Variants in CSMD1 observed in about 807,000 individuals in gnomAD.
CSMD1 encodes the protein CUB and sushi domain-containing protein 1.
In CSMD1, 213 loss-of-function variants were observed where a neutral mutation model predicts 417.5. That is an observed-to-expected ratio of 0.51 (90% confidence interval 0.46 to 0.57). The LOEUF (loss-of-function observed/expected upper bound fraction) is 0.57. CSMD1 is among the 20% of genes least tolerant of loss of function. The pLI, the probability that CSMD1 is intolerant of heterozygous loss-of-function variation, is 0.00. For synonymous variants in CSMD1, 2,862 were observed against 1,736.8 expected (o/e 1.65, Z -16.11); for missense variants, 6,923 against 4,529.7 (o/e 1.53, Z -15.17).
At chr8:3,255,177 G>C (rs1341256998) in intron 26 of CSMD1, among the ~76,000 whole-genome samples, 1 of 152,192 alleles carries the variant, frequency 6.6e-6, no homozygotes, top group African/African-American at 2.4e-5. Flanking sequence ...AGAGGCTGCA[G>C]AGCAGTGGAT....
At chr8:3,262,102 T>C (rs1169099447) in intron 26 of CSMD1, among the ~76,000 whole-genome samples, 1 of 150,370 alleles carries the variant, frequency 6.7e-6, no homozygotes, top group African/African-American at 2.5e-5. Context: ...AAGTAAAGGT[T>C]ATGTATGTCT....
chr8:3,522,391 T>A lies in CSMD1; in HGVS notation c.1345-28665A>T, dbSNP rs954972464. Among the ~76,000 whole-genome samples the A allele has an allele frequency of 2.6e-5, 4 of 152,210 alleles. No individual in the cohort carries two copies. In the South Asian group the frequency reaches 8.3e-4, roughly 31 times the overall value. The stretch of plus-strand genomic sequence containing the variant: ...CAGGAACAAGTATAAAAATATATAT[T>A]GTTTCCATTTCGTGTGGGGGTTTTG... On this transcript the variant is annotated intron_variant, in intron 10 of 69. Transcript: ENST00000635120.
Position 3,998,023 on chromosome 8 carries a change from T to G in CSMD1, c.698A>C (p.Asp233Ala). The change falls in exon 5 of 70, where the codon GAC becomes GCC. Residue 233 changes from aspartate (D) to alanine (A), a missense_variant. Physicochemically the swap from Asp to Ala is moderately radical, Grantham distance 126 (BLOSUM62 -2). Transcript: ENST00000635120. Reference sequence around the variant, plus strand: ...CTCAGCCAGAATGGTCCAGGTGCAGTCCGCGTTGTTCTCGTACTCTGAAGG... The same window carrying G: ...CTCAGCCAGAATGGTCCAGGTGCAGGCCGCGTTGTTCTCGTACTCTGAAGG... ...HFPSEYENNA[D>A]CTWTILAEPG... The G allele has an allele frequency of 1.2e-6, 2 of 1,606,604 alleles. No homozygotes were observed. The highest frequency in any genetic ancestry group is 1.3e-5 in the African/African-American group (1 of 74,948).
intron 3 of CSMD1, among the ~76,000 whole-genome samples, chr8:4,373,655 A>T (rs943416561): frequency 6.6e-6 from 1 of 152,136 alleles, no homozygotes; most frequent in Admixed American, 6.5e-5. Flanking sequence ...TATGGAAGTT[A>T]TGATAGTTTA....
chr8:3,232,244 A>C lies in CSMD1; in HGVS notation c.4154-2013T>G, dbSNP rs75202213. Among the ~76,000 whole-genome samples the C allele has an allele frequency of 5.3e-3, 813 of 152,318 alleles. 5 individuals carry two copies. Among genetic ancestry groups the C allele is most frequent in the African/African-American group, 0.018 (757 of 41,568 alleles). On this transcript the variant is annotated intron_variant, in intron 26 of 69. Coordinates refer to ENST00000635120, the MANE Select transcript of CSMD1 (RefSeq NM_033225.6). ...GTATGCATTCCACTTTTAGCCACATATATCAGTTTCCTGAAATCAAATGCT... is the reference window on the plus strand; with the variant it reads ...GTATGCATTCCACTTTTAGCCACATCTATCAGTTTCCTGAAATCAAATGCT...
chr8:3,851,618 A>T (rs1178410714), intron 5 of CSMD1, among the ~76,000 whole-genome samples: 1 of 152,236 alleles, frequency 6.6e-6, no homozygotes, highest in East Asian at 1.9e-4. Context: ...ACTGGAGAAA[A>T]AAACATCCAT....
chr8:3,630,866 G>T (rs1036706992), intron 7 of CSMD1, among the ~76,000 whole-genome samples: 13 of 152,200 alleles, frequency 8.5e-5, no homozygotes, highest in Admixed American at 6.5e-5. Context: ...GGAAACCTCA[G>T]TTGGTCTGTT....
intron 3 of CSMD1, among the ~76,000 whole-genome samples, chr8:4,161,074 G>T (rs963776864): frequency 6.6e-6 from 1 of 151,610 alleles, no homozygotes; most frequent in African/African-American, 2.4e-5. Context: ...TGCAGGAAAT[G>T]TAAATAATGT....
intron 4 of CSMD1, among the ~76,000 whole-genome samples, chr8:4,014,716 T>C (rs1160731368): frequency 1.3e-5 from 2 of 152,216 alleles, no homozygotes; most frequent in South Asian, 2.1e-4. Flanking sequence ...GACAAAGTCC[T>C]TGCTGGTAAA....
At chr8:3,123,444 T>C (rs1817320716) in intron 41 of CSMD1, among the ~76,000 whole-genome samples, 1 of 152,204 alleles carries the variant, frequency 6.6e-6, no homozygotes, top group Non-Finnish European at 1.5e-5. Context: ...GAATGAATAA[T>C]TCCACACTGA....
chr8:3,611,679 T>C (rs1256980071), intron 8 of CSMD1, among the ~76,000 whole-genome samples: 1 of 152,174 alleles, frequency 6.6e-6, no homozygotes, highest in African/African-American at 2.4e-5. Flanking sequence ...TTTTCAATGC[T>C]TTCAGATCCT....
chr8:3,771,534 C>G (rs567622023), intron 5 of CSMD1, among the ~76,000 whole-genome samples: 7 of 152,248 alleles, frequency 4.6e-5, no homozygotes, highest in Non-Finnish European at 8.8e-5. Context: ...ATTTGGGTGA[C>G]TGGATAGCAT....
At chr8:4,013,352 G>A (rs554080151) in intron 4 of CSMD1, among the ~76,000 whole-genome samples, 1 of 152,124 alleles carries the variant, frequency 6.6e-6, no homozygotes, top group Non-Finnish European at 1.5e-5. Context: ...CAAACACCTG[G>A]TTGATCCCTC....
At chr8:3,465,631 G>T (rs552960527) in intron 12 of CSMD1, among the ~76,000 whole-genome samples, 1 of 152,174 alleles carries the variant, frequency 6.6e-6, no homozygotes, top group African/African-American at 2.4e-5. Flanking sequence ...GAGGGTCCCC[G>T]AAATATTTTA....
chr8:4,987,260 A>G (rs1419278061), intron 1 of CSMD1, among the ~76,000 whole-genome samples: 1 of 152,182 alleles, frequency 6.6e-6, no homozygotes, highest in Non-Finnish European at 1.5e-5. Context: ...AAATTGAAAC[A>G]AGTAATTCTT....
chr8:3,297,283 T>A (rs765578509), intron 25 of CSMD1, among the ~76,000 whole-genome samples: 1 of 152,164 alleles, frequency 6.6e-6, no homozygotes, highest in Admixed American at 6.5e-5. Flanking sequence ...GGGATATCAA[T>A]AAAAATCCAG....
intron 2 of CSMD1, among the ~76,000 whole-genome samples, chr8:4,579,720 T>C (rs1337635994): frequency 6.6e-6 from 1 of 152,140 alleles, no homozygotes; most frequent in South Asian, 2.1e-4. Flanking sequence ...TCCATGTTTT[T>C]TACATGGTGA....
chr8:4,744,144 C>G (rs958250315), intron 1 of CSMD1, among the ~76,000 whole-genome samples: 1 of 152,192 alleles, frequency 6.6e-6, no homozygotes, highest in Admixed American at 6.5e-5. Flanking sequence ...ACGCCAATTT[C>G]TTTGGGTTCC....
At chr8:3,195,767 C>CA (rs1272809372) in intron 33 of CSMD1, among the ~76,000 whole-genome samples, 1 of 152,032 alleles carries the variant, frequency 6.6e-6, no homozygotes, top group African/African-American at 2.4e-5. Context: ...TGCTTGATGC[C>CA]AAAAAGCAAA....
Sources: allele counts gnomAD v4.1 joint callset (sites outside exome capture counted in the v4.1 genomes callset), GRCh38; gene constraint gnomAD v4.1.1; transcripts MANE v1.5; gene names NCBI Gene and HGNC (gene_info 2026-07-23, HGNC 2026-07-21).